The following SLC1A2 variants were observed in gnomAD, a reference collection of about 807,000 sequenced individuals.
The protein encoded by SLC1A2 is excitatory amino acid transporter 2.
A neutral mutation model predicts 48.8 loss-of-function variants in SLC1A2; 15 were observed. That is an observed-to-expected ratio of 0.31 (90% CI 0.21 to 0.47). The LOEUF (loss-of-function observed/expected upper bound fraction) is 0.47. Among genes scored for constraint, SLC1A2 ranks in the 20% least tolerant of loss-of-function variants. SLC1A2 has a pLI of 0.99. For missense variants in SLC1A2, 502 were observed against 730.5 expected, an observed-to-expected ratio of 0.69 and a Z score of 3.61; for synonymous variants, 279 against 272.6, an observed-to-expected ratio of 1.02 and a Z score of -0.23.
intron 1 of SLC1A2, among the ~76,000 whole-genome samples, chr11:35,324,042 A>C (rs1439188960): frequency 6.6e-6 from 1 of 152,212 alleles, no homozygotes; most frequent in African/African-American, 2.4e-5. Context: ...GGCACAGTCA[A>C]TTACTGTGGA....
intron 3 of SLC1A2, among the ~76,000 whole-genome samples, chr11:35,314,712 CA>C (rs531467759): frequency 1.2e-3 from 157 of 132,614 alleles, no homozygotes; most frequent in Middle Eastern, 7.9e-3. Flanking sequence ...GACTCCATCT[CA>C]AAAAAAAAAA....
intron 1 of SLC1A2, among the ~76,000 whole-genome samples, chr11:35,417,714 A>T (rs963252028): frequency 7.9e-5 from 12 of 152,264 alleles, no homozygotes; most frequent in African/African-American, 2.7e-4. Flanking sequence ...ACAAGATGCC[A>T]GATGCCTTTG....
intron 3 of SLC1A2, among the ~76,000 whole-genome samples, chr11:35,312,770 T>C (rs1183856837): frequency 6.6e-6 from 1 of 152,258 alleles, no homozygotes; most frequent in Non-Finnish European, 1.5e-5. Context: ...TACATAACTG[T>C]TATACTATAT....
intron 6 of SLC1A2, among the ~76,000 whole-genome samples, chr11:35,300,381 C>T (rs1043296585): frequency 3.9e-5 from 6 of 152,194 alleles, no homozygotes; most frequent in Non-Finnish European, 5.9e-5. Context: ...TATGTTGAAA[C>T]TTAATTCCCA....
chr11:35,271,909 A>C (rs1850290695), intron 9 of SLC1A2, among the ~76,000 whole-genome samples: 1 of 152,216 alleles, frequency 6.6e-6, no homozygotes, highest in South Asian at 2.1e-4. Flanking sequence ...AGCAGTTTCA[A>C]TACAGAGGTA....
chr11:35,415,598 G>T (rs1326542350), intron 1 of SLC1A2, among the ~76,000 whole-genome samples: 2 of 152,214 alleles, frequency 1.3e-5, no homozygotes, highest in African/African-American at 4.8e-5. Context: ...TCATTCCCAA[G>T]GGGAGAAGCA....
intron 1 of SLC1A2, among the ~76,000 whole-genome samples, chr11:35,364,055 G>A (rs1853767037): frequency 6.6e-6 from 1 of 152,136 alleles, no homozygotes. Context: ...CACAGAGGCT[G>A]GATTGAAAAG....
intron 6 of SLC1A2, among the ~76,000 whole-genome samples, chr11:35,293,389 C>T (rs938529493): frequency 3.3e-5 from 5 of 152,102 alleles, no homozygotes; most frequent in African/African-American, 7.2e-5. Context: ...AGCAGTTTGT[C>T]GTATACCAAT....
chr11:35,271,195 G>A (rs946104702), intron 9 of SLC1A2, among the ~76,000 whole-genome samples: 4 of 152,206 alleles, frequency 2.6e-5, no homozygotes, highest in East Asian at 1.9e-4. Context: ...CAGTTGGAGC[G>A]GGAAAGATTC....
intron 9 of SLC1A2, among the ~76,000 whole-genome samples, chr11:35,270,785 T>C (rs1850260469): frequency 6.6e-6 from 1 of 152,194 alleles, no homozygotes; most frequent in Non-Finnish European, 1.5e-5. Flanking sequence ...ATAATATGCA[T>C]GAAATCTAAG....
At position 35,256,667 on chromosome 11, in the gene SLC1A2, G is replaced by A. The variant is rs1950318551; in HGVS notation, c.*4227C>T. ...TCCAGACTCTAGCATTCTTATTCAA[G>A]GAGCAAGTATGATAATAACTGAAAA... is the stretch of plus-strand genomic sequence containing the variant. On this transcript the variant is annotated 3_prime_UTR_variant, in exon 11 of 11. Transcript: ENST00000278379. 6.6e-6 allele frequency: 1 copy of A among 151,916 alleles called. No individual in the cohort carries two copies. Among genetic ancestry groups the A allele is most frequent in the South Asian group, 2.1e-4 (1 of 4,822 alleles). 9.4% of individuals were successfully genotyped at this position (151,916 alleles called of 1,614,324 possible).
chr11:35,382,804 A>G (rs1413874665), intron 1 of SLC1A2, among the ~76,000 whole-genome samples: 2 of 152,186 alleles, frequency 1.3e-5, no homozygotes. Context: ...TCAAAAAAAA[A>G]AAAAAGTCCT....
At position 35,292,514 on chromosome 11, in the gene SLC1A2, A is replaced by T; in HGVS notation, c.864T>A (p.Ser288=). The T allele has an allele frequency of 1.2e-6, 2 of 1,608,176 alleles. No homozygotes were observed. Among genetic ancestry groups the T allele is most frequent in the South Asian group, 2.2e-5 (2 of 90,790 alleles). Residue 288 remains serine (S), a synonymous_variant, in exon 7 of 11, where the codon TCT becomes TCA. Coordinates refer to ENST00000278379, the MANE Select transcript of SLC1A2 (RefSeq NM_004171.4). ...MKLVIMIMWY[S]PLGIACLICG... ...AGATCAGGCAGGCGATACCCAGGGG[A>T]GAGTACCTGAAAAACACAAAAGGGA... is the stretch of plus-strand genomic sequence containing the variant.
chr11:35,333,108 C>T (rs1268098025), intron 1 of SLC1A2, among the ~76,000 whole-genome samples: 1 of 152,024 alleles, frequency 6.6e-6, no homozygotes, highest in Non-Finnish European at 1.5e-5. Flanking sequence ...ACTCAAAAAA[C>T]ATAACCTTTG....
intron 1 of SLC1A2, among the ~76,000 whole-genome samples, chr11:35,389,958 C>T (rs1380928033): frequency 6.6e-6 from 1 of 152,264 alleles, no homozygotes; most frequent in East Asian, 1.9e-4. Flanking sequence ...TTTCTGTTTG[C>T]TATCTGTAAA....
intron 1 of SLC1A2, among the ~76,000 whole-genome samples, chr11:35,333,419 G>GAAAAA (rs59682870): frequency 2.3e-5 from 3 of 132,952 alleles, no homozygotes; most frequent in African/African-American, 8.1e-5. Flanking sequence ...TCTGCCTCAG[G>GAAAAA]AAAAAAAAAA....
intron 1 of SLC1A2, among the ~76,000 whole-genome samples, chr11:35,395,075 C>T (rs1395470883): frequency 1.3e-5 from 2 of 151,976 alleles, no homozygotes; most frequent in Non-Finnish European, 2.9e-5. Flanking sequence ...TTCAGGAACA[C>T]CCCCCAATGA....
At chr11:35,383,856 T>C (rs529777635) in intron 1 of SLC1A2, among the ~76,000 whole-genome samples, 4 of 152,200 alleles carry the variant, frequency 2.6e-5, no homozygotes, top group Admixed American at 2.6e-4. Context: ...TTTTGAGGAA[T>C]GGCCACCATG....
At chr11:35,346,060 T>TC (rs1305682050) in intron 1 of SLC1A2, among the ~76,000 whole-genome samples, 1 of 146,094 alleles carries the variant, frequency 6.8e-6, no homozygotes. Flanking sequence ...CCCATGTTCT[T>TC]TTTTTTTTTC....
Sources: gnomAD v4.1 joint callset for allele counts (sites outside exome capture counted in the v4.1 genomes callset) on GRCh38, gnomAD v4.1.1 for gene constraint, MANE v1.5 for transcripts, NCBI Gene and HGNC (gene_info 2026-07-23, HGNC 2026-07-21) for gene names.